Variants in USP47 observed in about 807,000 individuals in gnomAD.
USP47 encodes the protein ubiquitin specific peptidase 47.
A neutral mutation model predicts 165.1 loss-of-function variants in USP47; 35 were observed. The ratio of observed to expected loss-of-function variants is 0.21; its 90% CI spans 0.16 to 0.28. The LOEUF (loss-of-function observed/expected upper bound fraction) is 0.28. Ranked by LOEUF, USP47 falls within the 10% of genes least tolerant of loss-of-function variation. The pLI, the probability that USP47 is intolerant of heterozygous loss-of-function variation, is 1.00. For synonymous variants in USP47, 531 were observed against 544.5 expected (o/e 0.98, Z 0.35); for missense variants, 1,277 against 1,607.4 (o/e 0.79, Z 3.52).
intron 1 of USP47, chr11:11,873,816 G>A: frequency 6.7e-7 from 1 of 1,488,698 alleles, no homozygotes; most frequent in Admixed American, 2.2e-5. Flanking sequence ...TTTTGGAGAT[G>A]CAGACAAAAT....
At chr11:11,881,048 A>G (rs1850795549) in intron 2 of USP47, among the ~76,000 whole-genome samples, 2 of 152,080 alleles carry the variant, frequency 1.3e-5, no homozygotes, top group African/African-American at 2.4e-5. Context: ...CTTATCCATT[A>G]TATTTAGTTT....
Position 11,908,430 on chromosome 11 carries a change from C to T in USP47, c.969+2882C>T, listed in dbSNP as rs185469806. On this transcript the variant is annotated intron_variant, in intron 8 of 27. Coordinates refer to ENST00000527733, the MANE Select transcript of USP47 (RefSeq NM_001282659.2). ...CTGGGATTTCAGGCATGAGCTACCA[C>T]GCCCAGCCAGGGTTTTTCTTTTTTA... Among the ~76,000 whole-genome samples the T allele has an allele frequency of 5.9e-5, 9 of 152,152 alleles. No individual in the cohort carries two copies. The East Asian group carries it at 7.7e-4, about 13-fold the overall frequency.
At chr11:11,888,003 C>G (rs1851273569) in intron 3 of USP47, among the ~76,000 whole-genome samples, 1 of 152,112 alleles carries the variant, frequency 6.6e-6, no homozygotes. Context: ...TCAAGAAGTT[C>G]TTTGAAACTG....
chr11:11,866,511 A>T (rs924308269), intron 1 of USP47, among the ~76,000 whole-genome samples: 1 of 152,212 alleles, frequency 6.6e-6, no homozygotes, highest in African/African-American at 2.4e-5. Flanking sequence ...GGTGATGAAC[A>T]TGATTATGGT....
chr11:11,857,482 A>G (rs1017636780), intron 1 of USP47, among the ~76,000 whole-genome samples: 1 of 152,208 alleles, frequency 6.6e-6, no homozygotes, highest in Non-Finnish European at 1.5e-5. Flanking sequence ...CATTAACACA[A>G]AACAAATATA....
At position 11,957,618 on chromosome 11, in the gene USP47, C is replaced by T. The variant is rs1227563609; in HGVS notation, c.*1443C>T. On this transcript the variant is annotated 3_prime_UTR_variant, in exon 28 of 28. Transcript: ENST00000527733. ...ACATTTTGTAATGTGTATTGGATAT[C>T]TCATTTCTATGATAAAGGTATATTT... is the stretch of plus-strand genomic sequence containing the variant. The T allele has an allele frequency of 2.0e-5, 3 of 152,390 alleles. No individual in the cohort carries two copies. Among genetic ancestry groups the T allele is most frequent in the Non-Finnish European group, 4.4e-5 (3 of 67,986 alleles). 9.4% of individuals were successfully genotyped at this position (152,390 alleles called of 1,614,324 possible). A position where few individuals can be genotyped will look rare whatever the true frequency, so the allele number is the denominator to read the frequency against.
intron 4 of USP47, 72 bp downstream of exon 4, chr11:11,892,178 A>G (rs1333226619): frequency 1.3e-6 from 2 of 1,486,824 alleles, no homozygotes; most frequent in African/African-American, 2.8e-5. Context: ...TTGAAGCCTA[A>G]TCCTCTTATT....
chr11:11,930,913 T>G (rs1274141152), intron 14 of USP47, among the ~76,000 whole-genome samples, 162 bp downstream of exon 14: 1 of 152,192 alleles, frequency 6.6e-6, no homozygotes, highest in African/African-American at 2.4e-5. Flanking sequence ...TACCAAATGT[T>G]AAGGACCTTG....
Position 11,942,692 on chromosome 11 carries a change from C to T in USP47, c.2671C>T (p.Pro891Ser), listed in dbSNP as rs748955027. 21 of 1,613,470 alleles carry T rather than the reference C, an allele frequency of 1.3e-5. No individual in the cohort carries two copies. Among genetic ancestry groups the T allele is most frequent in the Non-Finnish European group, 4.2e-6 (5 of 1,179,774 alleles). ...AAGTGACTTTGAAAACATCGAATCA[C>T]CTCTCAATGAGAGGGACTCTTCAGC... is the stretch of plus-strand genomic sequence containing the variant. ...ETSDFENIESPLNERDSSASV... is the reference protein window; with the variant it reads ...ETSDFENIESSLNERDSSASV... The change falls in exon 20 of 28, where the codon CCT becomes TCT. Residue 891 changes from proline to serine, a missense_variant. Physicochemically the swap from Pro to Ser is moderately conservative, Grantham distance 74. Around this residue, in one of 4 missense-constraint regions of USP47, gnomAD observed 909 missense variants for 1,068.1 expected, o/e 0.85. Transcript: ENST00000527733.
intron 8 of USP47, among the ~76,000 whole-genome samples, 177 bp downstream of exon 8, chr11:11,905,725 A>G (rs1159881425): frequency 6.6e-6 from 1 of 152,236 alleles, no homozygotes; most frequent in East Asian, 1.9e-4. Context: ...GAGTCCTAAT[A>G]GTGCATGTAT....
chr11:11,901,115 A>G (rs1852198942), intron 5 of USP47, among the ~76,000 whole-genome samples: 1 of 152,208 alleles, frequency 6.6e-6, no homozygotes, highest in Admixed American at 6.5e-5. Flanking sequence ...AATGTACTTC[A>G]TTGACTTCTG....
intron 3 of USP47, among the ~76,000 whole-genome samples, chr11:11,887,923 C>G (rs1851268552): frequency 6.6e-6 from 1 of 152,080 alleles, no homozygotes; most frequent in South Asian, 2.1e-4. Flanking sequence ...CACTCAAAAC[C>G]ACATGACTAC....
intron 1 of USP47, among the ~76,000 whole-genome samples, chr11:11,868,015 T>G (rs1191309437): frequency 6.6e-6 from 1 of 152,208 alleles, no homozygotes; most frequent in Admixed American, 6.5e-5. Context: ...CAGTCCTCTT[T>G]CAGTCTCTAG....
At chr11:11,925,104 A>G (rs1413437390) in intron 11 of USP47, among the ~76,000 whole-genome samples, 1 of 146,784 alleles carries the variant, frequency 6.8e-6, no homozygotes, top group Non-Finnish European at 1.5e-5. Flanking sequence ...TTTTTGTTTT[A>G]GTTTTTGGTT....
At position 11,958,530 on chromosome 11, in the gene USP47, G is replaced by C. The variant is rs1847310403; in HGVS notation, c.*2355G>C. 6.6e-6 allele frequency: 1 copy of C among 152,186 alleles called. No individual in the cohort carries two copies. The highest frequency in any genetic ancestry group is 1.5e-5 in the Non-Finnish European group (1 of 68,032). The allele number at this position is 152,186 out of a possible 1,614,324, so 9.4% of individuals were successfully genotyped here. On this transcript the variant is annotated 3_prime_UTR_variant, in exon 28 of 28. Transcript: ENST00000527733. The stretch of plus-strand genomic sequence containing the variant: ...TGTGGATCAAGTTTCCTGAGCCCGG[G>C]GGCGGTGGAGCCTCATGATCTCTTA...
intron 5 of USP47, 94 bp downstream of exon 5, chr11:11,897,787 T>G (rs1851936762): frequency 2.3e-6 from 2 of 883,348 alleles, no homozygotes; most frequent in Admixed American, 2.3e-5. Context: ...ATTTTAAAGT[T>G]TGGGGCATTT....
rs1016522802 is a variant in USP47 at position 11,918,975 on chromosome 11, T to A, written c.970-1181T>A. Among the ~76,000 whole-genome samples the A allele has an allele frequency of 5.7e-4, 87 of 151,944 alleles. 2 individuals are homozygous for A. The highest frequency in any genetic ancestry group is 9.7e-4 in the Non-Finnish European group (66 of 67,824). On this transcript the variant is annotated intron_variant, in intron 8 of 27. Transcript: ENST00000527733. ...AAATATGCCTGAGAGGGAAAAAAAATTTTTTTCTAAATGTGTCATTTGACC... is the reference window on the plus strand; with the variant it reads ...AAATATGCCTGAGAGGGAAAAAAAAATTTTTTCTAAATGTGTCATTTGACC...
chr11:11,897,032 G>A (rs913035659), intron 4 of USP47, among the ~76,000 whole-genome samples: 4 of 150,708 alleles, frequency 2.7e-5, no homozygotes, highest in Non-Finnish European at 5.9e-5. Context: ...AACAGATGAA[G>A]TCACTCTGCA....
At position 11,948,465 on chromosome 11, in the gene USP47, T is replaced by G. The variant is rs777402121; in HGVS notation, c.3268-13T>G. The G allele has an allele frequency of 2.5e-6, 4 of 1,604,904 alleles. No homozygotes were observed. Among genetic ancestry groups the G allele is most frequent in the Non-Finnish European group, 3.4e-6 (4 of 1,172,440 alleles). ...TGAGACAGCATGTCTAAAAAAATGT[T>G]TTTAACTTATAGATTACAATTAGAC... On this transcript the variant is annotated splice_polypyrimidine_tract_variant and intron_variant, in intron 21 of 27. Coordinates refer to ENST00000527733, the MANE Select transcript of USP47 (RefSeq NM_001282659.2).
Sources: gnomAD v4.1 joint callset for allele counts (sites outside exome capture counted in the v4.1 genomes callset) on GRCh38, gnomAD v4.1.1 for gene constraint, gnomAD v4.1.1 regional missense constraint, MANE v1.5 for transcripts, NCBI Gene and HGNC (gene_info 2026-07-23, HGNC 2026-07-21) for gene names.